C12orf42: variants seen among roughly 807,000 people sequenced by gnomAD.
C12orf42 encodes chromosome 12 open reading frame 42.
In C12orf42, 25 loss-of-function variants were observed where a neutral mutation model predicts 21.6. The ratio of observed to expected loss-of-function variants is 1.16; its 90% CI spans 0.84 to 1.62. The LOEUF (loss-of-function observed/expected upper bound fraction) is 1.62, where lower values mean the gene tolerates loss of function less well. Among genes scored for constraint, C12orf42 ranks in the 40% most tolerant of loss-of-function variants. C12orf42 has a pLI of 0.00. For synonymous variants in C12orf42, 174 were observed against 175.0 expected, an observed-to-expected ratio of 0.99 and a Z score of 0.05; for missense variants, 483 against 459.3, an observed-to-expected ratio of 1.05 and a Z score of -0.47.
chr12:103,110,999 C>T, the C12orf42 span, among the ~76,000 whole-genome samples: 3 of 152,242 alleles, frequency 2.0e-5, no homozygotes, highest in African/African-American at 7.2e-5. Context: ...CAGCACTAGG[C>T]AGTTCTTGGT....
chr12:103,494,372 G>A (rs1414819286), intron 1 of C12orf42, among the ~76,000 whole-genome samples: 1 of 152,198 alleles, frequency 6.6e-6, no homozygotes, highest in Non-Finnish European at 1.5e-5. Context: ...CTGTACAACA[G>A]CCACACTATG....
chr12:103,067,391 A>G, the C12orf42 span, among the ~76,000 whole-genome samples: 1 of 152,124 alleles, frequency 6.6e-6, no homozygotes, highest in Admixed American at 6.5e-5. Context: ...CATGCTCCCC[A>G]TCATCCTGAA....
the C12orf42 span, among the ~76,000 whole-genome samples, chr12:103,507,156 A>ATATT: frequency 4.8e-5 from 1 of 20,652 alleles, no homozygotes; most frequent in Non-Finnish European, 6.5e-5. Flanking sequence ...ATATAAATAT[A>ATATT]TATATATAAT....
chr12:103,208,336 C>G, the C12orf42 span, among the ~76,000 whole-genome samples: 430 of 152,236 alleles, frequency 2.8e-3, 4 homozygotes, highest in African/African-American at 9.8e-3. Flanking sequence ...CACACGGCCC[C>G]CCTTTAGATC....
intron 4 of C12orf42, among the ~76,000 whole-genome samples, chr12:103,292,334 A>G (rs1164571474): frequency 2.0e-5 from 3 of 152,182 alleles, no homozygotes; most frequent in Admixed American, 6.6e-5. Flanking sequence ...CTGTGAATAT[A>G]TGAAAAACTC....
chr12:103,222,640 A>G, the C12orf42 span, among the ~76,000 whole-genome samples: 4 of 152,110 alleles, frequency 2.6e-5, no homozygotes, highest in Admixed American at 2.6e-4. Flanking sequence ...AGGAAGTGAG[A>G]CTGGGGATGA....
chr12:103,215,699 G>A, the C12orf42 span, among the ~76,000 whole-genome samples: 2 of 152,330 alleles, frequency 1.3e-5, no homozygotes, highest in African/African-American at 2.4e-5. Flanking sequence ...CCATCTGAAT[G>A]ATCAAGAAAG....
intron 2 of C12orf42, among the ~76,000 whole-genome samples, chr12:103,458,971 TA>T (rs554207113): frequency 3.8e-4 from 57 of 150,820 alleles, no homozygotes; most frequent in South Asian, 6.3e-4. Context: ...AAAAACGTAT[TA>T]GGGGAAACAT....
intron 3 of C12orf42, among the ~76,000 whole-genome samples, chr12:103,393,077 T>C (rs1205102550): frequency 6.6e-6 from 1 of 152,136 alleles, no homozygotes; most frequent in East Asian, 1.9e-4. Flanking sequence ...TTTAATTCCT[T>C]TTTTGGTCAG....
chr12:103,165,591 C>G, the C12orf42 span, among the ~76,000 whole-genome samples: 1 of 152,070 alleles, frequency 6.6e-6, no homozygotes, highest in Admixed American at 6.6e-5. Context: ...TCCTGTTTTT[C>G]TTTAACAAAT....
In C12orf42 at chr12:103,321,693, T is replaced by G. The variant is rs377676576; in HGVS notation, c.260-15348A>C. Among the ~76,000 whole-genome samples the G allele has an allele frequency of 1.7e-3, 237 of 139,288 alleles. 2 individuals carry two copies. The East Asian group carries it at 0.04, about 24-fold the overall frequency. The allele number at this position is 139,288 out of a possible 152,430, so 91.4% of individuals were successfully genotyped here. A position where few individuals can be genotyped will look rare whatever the true frequency, so the allele number is the denominator to read the frequency against. On this transcript the variant is annotated intron_variant, in intron 4 of 5. Coordinates refer to ENST00000548883, the MANE Select transcript of C12orf42 (RefSeq NM_198521.5). ...TGGAATACTATGCAGCCATAAAAAA[T>G]GATGAGTTCATGTCCTTTGTAGGGA...
At chr12:103,277,604 ATTTTCTTTTTCT>A (rs575550676) in intron 4 of C12orf42, among the ~76,000 whole-genome samples, 22 of 151,032 alleles carry the variant, frequency 1.5e-4, no homozygotes, top group African/African-American at 2.7e-4. Context: ...GATGGGCACA[ATTTTCTTTTTCT>A]TTTTCTTTTT....
chr12:103,416,373 GC>G (rs2049334671), intron 2 of C12orf42, among the ~76,000 whole-genome samples: 1 of 152,014 alleles, frequency 6.6e-6, no homozygotes, highest in Non-Finnish European at 1.5e-5. Context: ...ACTGCACTGG[GC>G]AGAGCTCAAC....
At chr12:103,338,045 G>A (rs7969597) in intron 4 of C12orf42, among the ~76,000 whole-genome samples, 74,613 of 151,996 alleles carry the variant, frequency 0.49, 20,902 homozygotes, top group African/African-American at 0.76. Flanking sequence ...TTTAGTTGCA[G>A]TCTTATCTTC....
the C12orf42 span, among the ~76,000 whole-genome samples, chr12:103,111,472 T>C: frequency 2.6e-5 from 4 of 152,234 alleles, no homozygotes; most frequent in Admixed American, 6.5e-5. Flanking sequence ...TCGATGAATA[T>C]TAGTGAGTGC....
chr12:103,163,486 C>G, the C12orf42 span, among the ~76,000 whole-genome samples: 2 of 152,110 alleles, frequency 1.3e-5, no homozygotes, highest in South Asian at 4.2e-4. Context: ...GAGCTGAGGG[C>G]TGGATGGCAG....
downstream of C12orf42, among the ~76,000 whole-genome samples, chr12:103,263,876 T>C (rs1364003391): frequency 1.3e-5 from 2 of 152,204 alleles, no homozygotes; most frequent in East Asian, 3.9e-4. Context: ...CAATCATCAA[T>C]GATTCCCTTC....
the C12orf42 span, chr12:103,159,630 A>C: frequency 6.6e-6 from 1 of 152,128 alleles, no homozygotes; most frequent in South Asian, 2.1e-4. Flanking sequence ...CTGCACTTTT[A>C]TTTAACAAGT....
At chr12:103,097,620 C>A in the C12orf42 span, among the ~76,000 whole-genome samples, 1 of 152,174 alleles carries the variant, frequency 6.6e-6, no homozygotes, top group Admixed American at 6.5e-5. Context: ...AATTTTCTCT[C>A]TCATTTTGAT....
Sources: allele counts gnomAD v4.1 joint callset (sites outside exome capture counted in the v4.1 genomes callset), GRCh38; gene constraint gnomAD v4.1.1; transcripts MANE v1.5; gene names NCBI Gene and HGNC (gene_info 2026-07-23, HGNC 2026-07-21).